The following RSPO4 variants were observed in gnomAD, a reference collection of about 807,000 sequenced individuals.
RSPO4 encodes the protein R-spondin-4.
A neutral mutation model predicts 24.8 loss-of-function variants in RSPO4; 23 were observed. The ratio of observed to expected loss-of-function variants is 0.93; its 90% CI spans 0.67 to 1.31. RSPO4 has a LOEUF of 1.31. Among genes scored for constraint, RSPO4 ranks in the 40% most tolerant of loss-of-function variants. RSPO4 has a pLI of 0.00. For synonymous variants in RSPO4, 141 were observed against 127.4 expected (o/e 1.11, Z -0.72); for missense variants, 333 against 316.5 (o/e 1.05, Z -0.39).
At chr20:972,626 A>G (rs964371050) in intron 1 of RSPO4, among the ~76,000 whole-genome samples, 1 of 152,210 alleles carries the variant, frequency 6.6e-6, no homozygotes, top group Non-Finnish European at 1.5e-5. Flanking sequence ...GGCTGTATTA[A>G]CCCAGGGCTG....
chr20:958,973 G>C lies in RSPO4; in HGVS notation c.*1384C>G, dbSNP rs1695918164. On this transcript the variant is annotated 3_prime_UTR_variant, in exon 5 of 5. Coordinates refer to ENST00000217260, the MANE Select transcript of RSPO4 (RefSeq NM_001029871.4). ...AAGGATAGGCAGTGAGGACAGACTT[G>C]CTTCCAAGCTGGGTCTGACCTGGAG... 6.6e-6 allele frequency: 1 copy of C among 152,336 alleles called. No homozygotes were observed. The highest frequency in any genetic ancestry group is 2.4e-5 in the African/African-American group (1 of 41,422). 9.4% of individuals were successfully genotyped at this position (152,336 alleles called of 1,614,324 possible). A position where few individuals can be genotyped will look rare whatever the true frequency, so the allele number is the denominator to read the frequency against.
At chr20:989,555 GAA>G (rs1221897446) in intron 1 of RSPO4, among the ~76,000 whole-genome samples, 4 of 152,168 alleles carry the variant, frequency 2.6e-5, no homozygotes, top group African/African-American at 4.8e-5. Flanking sequence ...GAGAAAAGGG[GAA>G]AGAGACCCAG....
intron 1 of RSPO4, among the ~76,000 whole-genome samples, chr20:985,770 C>G (rs543895367): frequency 2.6e-5 from 4 of 152,308 alleles, no homozygotes; most frequent in African/African-American, 9.6e-5. Flanking sequence ...GAGGATTGGC[C>G]AGCAGTGACT....
chr20:995,035 C>T (rs1985232165), intron 1 of RSPO4, among the ~76,000 whole-genome samples: 1 of 152,222 alleles, frequency 6.6e-6, no homozygotes, highest in South Asian at 2.1e-4. Flanking sequence ...CGCTAGTCTC[C>T]TGAACCCTCA....
In RSPO4 at chr20:970,767, A is replaced by G. The variant is rs6118411; in HGVS notation, c.80-2629T>C. On this transcript the variant is annotated intron_variant, in intron 1 of 4. Coordinates refer to ENST00000217260, the MANE Select transcript of RSPO4 (RefSeq NM_001029871.4). The surrounding 1 kb of genome is among the most constrained non-coding windows in gnomAD (Gnocchi z 4.1). ...CTTTTTCACCTTAGATAGGAGTGTA[A>G]ACTTCGGGGAAAAATCTAGCAGTAC... Among the ~76,000 whole-genome samples, 1,357 of 152,304 alleles carry G rather than the reference A, an allele frequency of 8.9e-3. 22 individuals are homozygous for G. The highest frequency in any genetic ancestry group is 0.031 in the African/African-American group (1,286 of 41,558).
At chr20:964,228 G>C (rs1357652869) in intron 3 of RSPO4, 108 bp from the exon 4 acceptor site, 3 of 811,164 alleles carry the variant, frequency 3.7e-6, no homozygotes, top group Non-Finnish European at 5.7e-6. Flanking sequence ...TCTGAAGACT[G>C]AAGACACCAC....
Position 959,096 on chromosome 20 carries a change from G to T in RSPO4, c.*1261C>A. ...GTGGGTGTGGGCGAGTGTGGTGGTGGGTGTGGGGGAGTGTGGTGGTGGGTG... is the reference window on the plus strand; with the variant it reads ...GTGGGTGTGGGCGAGTGTGGTGGTGTGTGTGGGGGAGTGTGGTGGTGGGTG... On this transcript the variant is annotated 3_prime_UTR_variant, in exon 5 of 5. Transcript: ENST00000217260. The T allele has an allele frequency of 6.6e-6, 1 of 150,928 alleles. No individual in the cohort carries two copies. The highest frequency in any genetic ancestry group is 2.0e-4 in the South Asian group (1 of 4,982). The allele number at this position is 150,928 out of a possible 1,614,324, so 9.3% of individuals were successfully genotyped here.
intron 4 of RSPO4, 42 bp downstream of exon 4, chr20:963,893 G>A (rs372641792): frequency 2.5e-6 from 4 of 1,597,486 alleles, no homozygotes; most frequent in African/African-American, 2.7e-5. Flanking sequence ...GTCCCTGTGG[G>A]CCTTTCCCAC....
intron 1 of RSPO4, among the ~76,000 whole-genome samples, chr20:989,214 C>T (rs1429967591): frequency 6.6e-6 from 1 of 152,084 alleles, no homozygotes; most frequent in Non-Finnish European, 1.5e-5. Flanking sequence ...AGACTAACTG[C>T]CCAGCCCCTG....
chr20:985,026 C>T (rs1327847521), intron 1 of RSPO4, among the ~76,000 whole-genome samples: 1 of 96,170 alleles, frequency 1.0e-5, no homozygotes, highest in Non-Finnish European at 1.9e-5. Context: ...CATCCATCCA[C>T]CAACCCATCT....
At chr20:985,449 T>C (rs1044158629) in intron 1 of RSPO4, among the ~76,000 whole-genome samples, 10 of 152,264 alleles carry the variant, frequency 6.6e-5, no homozygotes, top group Non-Finnish European at 1.3e-4. Flanking sequence ...AGAAACATTT[T>C]AGAAAGACAT....
chr20:973,080 G>A (rs1027335574), intron 1 of RSPO4, among the ~76,000 whole-genome samples: 3 of 152,236 alleles, frequency 2.0e-5, no homozygotes, highest in African/African-American at 7.2e-5. Context: ...AGAATTGGCA[G>A]GGGTGGACCC....
chr20:969,158 A>G (rs1477875992), intron 1 of RSPO4, among the ~76,000 whole-genome samples: 1 of 152,234 alleles, frequency 6.6e-6, no homozygotes, highest in Non-Finnish European at 1.5e-5. Context: ...TCTACAAAAA[A>G]TACAAAAATT....
intron 1 of RSPO4, among the ~76,000 whole-genome samples, chr20:999,400 T>C (rs1007823837): frequency 5.9e-5 from 9 of 152,156 alleles, no homozygotes; most frequent in South Asian, 2.1e-4. Flanking sequence ...CCCAATCTAT[T>C]TGACCAGAAC....
intron 1 of RSPO4, among the ~76,000 whole-genome samples, chr20:991,660 A>C (rs1298444932): frequency 1.3e-5 from 2 of 152,094 alleles, no homozygotes; most frequent in Admixed American, 1.3e-4. Context: ...ATTAAGTAAC[A>C]AAATAAAAAT....
chr20:979,880 C>T (rs374983533), intron 1 of RSPO4, among the ~76,000 whole-genome samples: 215 of 152,180 alleles, frequency 1.4e-3, no homozygotes, highest in Middle Eastern at 6.8e-3. Flanking sequence ...TCCCACGTCG[C>T]TATGTTCTTC....
At chr20:974,832 T>G (rs557335679) in intron 1 of RSPO4, among the ~76,000 whole-genome samples, 1 of 152,170 alleles carries the variant, frequency 6.6e-6, no homozygotes, top group Non-Finnish European at 1.5e-5. Flanking sequence ...TGCATGTGGA[T>G]CCACCCTGGG....
intron 1 of RSPO4, among the ~76,000 whole-genome samples, chr20:982,568 C>T (rs1319172702): frequency 6.6e-6 from 1 of 152,210 alleles, no homozygotes; most frequent in African/African-American, 2.4e-5. Context: ...CCAGTAGGTG[C>T]TCAGTGAGTA....
chr20:1,002,161 G>A lies in RSPO4; in HGVS notation c.4C>T (p.Arg2Trp). The A allele has an allele frequency of 6.5e-7, 1 of 1,548,556 alleles. No individual in the cohort carries two copies. The highest frequency in any genetic ancestry group is 1.2e-5 in the South Asian group (1 of 84,216). Residue 2 changes from arginine (R) to tryptophan (W), a missense_variant, in exon 1 of 5, where the codon CGG (arginine) becomes TGG (tryptophan). Arg to Trp is a moderately radical substitution (Grantham distance 101). Transcript: ENST00000217260. The surrounding 1 kb of genome is among the most constrained non-coding windows in gnomAD (Gnocchi z 4.6). M[R>W]APLCLLLLVA... is the part of the protein sequence containing the mutation. ...AGCAGGAGCAGGCAGAGTGGCGCCC[G>A]CATCTGGGCAGCCGGATCCGGGCTG...
Sources: allele counts gnomAD v4.1 joint callset (sites outside exome capture counted in the v4.1 genomes callset), GRCh38; gene constraint gnomAD v4.1.1; non-coding constraint Gnocchi (gnomAD v3.1); transcripts MANE v1.5; gene names NCBI Gene and HGNC (gene_info 2026-07-23, HGNC 2026-07-21).